The following ARL6IP6 variants were observed in gnomAD, a reference collection of about 807,000 sequenced individuals.
ARL6IP6 encodes ADP-ribosylation factor-like protein 6-interacting protein 6.
In ARL6IP6, 22 loss-of-function variants were observed where a neutral mutation model predicts 21.5. The ratio of observed to expected loss-of-function variants is 1.02; its 90% CI spans 0.73 to 1.46. The LOEUF is 1.46. Ranked by LOEUF, ARL6IP6 falls within the 40% of genes most tolerant of loss-of-function variation. The pLI, the probability that ARL6IP6 is intolerant of heterozygous loss-of-function variation, is 0.00. For synonymous variants in ARL6IP6, 164 were observed against 125.3 expected (o/e 1.31, Z -2.06); for missense variants, 388 against 299.8 (o/e 1.29, Z -2.17).
intron 2 of ARL6IP6, among the ~76,000 whole-genome samples, chr2:152,725,854 C>A (rs140481659): frequency 0.015 from 2,237 of 152,190 alleles, 26 homozygotes; most frequent in Middle Eastern, 0.034. Context: ...GTATTTATTT[C>A]TTATGAAAAT....
upstream of ARL6IP6, chr2:152,717,727 T>A (rs1699198796): frequency 7.5e-7 from 1 of 1,337,918 alleles, no homozygotes; most frequent in East Asian, 3.2e-5. Context: ...AAGACAACAG[T>A]GTCCCAGCTT....
intron 3 of ARL6IP6, among the ~76,000 whole-genome samples, chr2:152,757,121 C>T (rs774521327): frequency 1.3e-5 from 2 of 152,152 alleles, no homozygotes; most frequent in Non-Finnish European, 2.9e-5. Flanking sequence ...CAAAAGAAGG[C>T]AGACGCAGAA....
chr2:152,753,567 A>G (rs1237947144), intron 3 of ARL6IP6, among the ~76,000 whole-genome samples: 1 of 152,066 alleles, frequency 6.6e-6, no homozygotes, highest in Non-Finnish European at 1.5e-5. Context: ...TTCTACCAAG[A>G]AAAATCCTAT....
chr2:152,722,123 G>A (rs929825773), intron 2 of ARL6IP6, among the ~76,000 whole-genome samples: 1 of 152,170 alleles, frequency 6.6e-6, no homozygotes, highest in African/African-American at 2.4e-5. Context: ...TTATCTGAAG[G>A]AATGGCTTGC....
At chr2:152,718,130 G>T (rs143905061), upstream of ARL6IP6, 15 of 901,028 alleles carry the variant, frequency 1.7e-5, no homozygotes, top group Non-Finnish European at 1.5e-5. Context: ...GTAGAGAGGT[G>T]CCCTTAATGG....
At chr2:152,744,530 G>C (rs1574053486) in intron 3 of ARL6IP6, among the ~76,000 whole-genome samples, 1 of 152,214 alleles carries the variant, frequency 6.6e-6, no homozygotes, top group South Asian at 2.1e-4. Context: ...TGATTTCTAG[G>C]CATATGCCAA....
At chr2:152,747,017 A>G (rs183108855) in intron 3 of ARL6IP6, among the ~76,000 whole-genome samples, 8 of 151,430 alleles carry the variant, frequency 5.3e-5, no homozygotes, top group Admixed American at 1.3e-4. Flanking sequence ...TTTTGTAGAG[A>G]TAGGGTCTCA....
chr2:152,730,918 C>G (rs1472045952), intron 2 of ARL6IP6, among the ~76,000 whole-genome samples: 1 of 152,198 alleles, frequency 6.6e-6, no homozygotes, highest in Admixed American at 6.5e-5. Flanking sequence ...GCACTACTCC[C>G]TTTCCCCATT....
At chr2:152,744,359 T>A (rs1176563512) in intron 3 of ARL6IP6, among the ~76,000 whole-genome samples, 2 of 152,144 alleles carry the variant, frequency 1.3e-5, no homozygotes, top group African/African-American at 4.8e-5. Flanking sequence ...CAGTTGAATG[T>A]CTATTTTATA....
At chr2:152,756,617 T>C (rs986789960) in intron 3 of ARL6IP6, among the ~76,000 whole-genome samples, 4 of 151,856 alleles carry the variant, frequency 2.6e-5, no homozygotes, top group African/African-American at 9.7e-5. Flanking sequence ...TATAAACCAA[T>C]AGAAAAAAAT....
At chr2:152,734,639 A>T (rs1410607572) in intron 2 of ARL6IP6, among the ~76,000 whole-genome samples, 1 of 152,220 alleles carries the variant, frequency 6.6e-6, no homozygotes, top group East Asian at 1.9e-4. Context: ...TGCAGGCATG[A>T]GCCACCTTGT....
intron 3 of ARL6IP6, among the ~76,000 whole-genome samples, chr2:152,753,723 G>C (rs976082864): frequency 3.1e-5 from 4 of 131,124 alleles, no homozygotes; most frequent in Admixed American, 8.4e-5. Flanking sequence ...TTTTTTTGAC[G>C]GAGTCTCGCT....
At chr2:152,718,462 G>A (rs2105055311), upstream of ARL6IP6, 2 of 1,012,862 alleles carry the variant, frequency 2.0e-6, no homozygotes, top group Non-Finnish European at 2.7e-6. Flanking sequence ...CTTTGGCCCT[G>A]CGGCTTCCTT....
At chr2:152,748,128 C>T (rs1701144480) in intron 3 of ARL6IP6, among the ~76,000 whole-genome samples, 1 of 152,120 alleles carries the variant, frequency 6.6e-6, no homozygotes, top group Non-Finnish European at 1.5e-5. Flanking sequence ...GAGGCAAAGT[C>T]ATGTGTGTTA....
At chr2:152,751,323 C>G (rs1701320334) in intron 3 of ARL6IP6, among the ~76,000 whole-genome samples, 1 of 152,228 alleles carries the variant, frequency 6.6e-6, no homozygotes. Flanking sequence ...TCACTGAAAA[C>G]ATTTATCATT....
intron 3 of ARL6IP6, among the ~76,000 whole-genome samples, chr2:152,736,138 T>C (rs191726722): frequency 5.4e-4 from 82 of 152,322 alleles, no homozygotes; most frequent in Admixed American, 3.1e-3. Flanking sequence ...ATTTTAGTTA[T>C]GTGTTTTTGA....
chr2:152,728,260 T>C (rs1029670216), intron 2 of ARL6IP6, among the ~76,000 whole-genome samples: 5 of 152,220 alleles, frequency 3.3e-5, no homozygotes, highest in Non-Finnish European at 7.4e-5. Flanking sequence ...ACTTGGAAAT[T>C]ACTAGTATAC....
At chr2:152,735,197 G>A in intron 3 of ARL6IP6, 71 bp downstream of exon 3, 1 of 1,540,478 alleles carries the variant, frequency 6.5e-7, no homozygotes, top group Non-Finnish European at 8.9e-7. Flanking sequence ...ATACTCAGAA[G>A]CAAGAGGCTG....
chr2:152,717,788 C>T, upstream of ARL6IP6: 1 of 1,194,338 alleles, frequency 8.4e-7, no homozygotes, highest in Non-Finnish European at 1.0e-6. Context: ...TGGGGGTCTG[C>T]CACCTTCACC....
Sources: gnomAD v4.1 joint callset for allele counts (sites outside exome capture counted in the v4.1 genomes callset) on GRCh38, gnomAD v4.1.1 for gene constraint, MANE v1.5 for transcripts, NCBI Gene and HGNC (gene_info 2026-07-23, HGNC 2026-07-21) for gene names.